Variants in FAM13A observed in about 807,000 individuals in gnomAD.
FAM13A encodes the protein family with sequence similarity 13 member A.
FAM13A carries 76 observed loss-of-function variants against 129.6 expected under a neutral mutation model. The observed-to-expected ratio is 0.59, with a 90% CI of 0.49 to 0.71. The LOEUF is 0.71. Ranked by LOEUF, FAM13A falls within the 30% of genes least tolerant of loss-of-function variation. The pLI is 0.00. For missense variants in FAM13A, 1,108 were observed against 1,249.3 expected (o/e 0.89, Z 1.70); for synonymous variants, 443 against 449.9 (o/e 0.98, Z 0.20).
chr4:88,889,372 T>A (rs1289085852), intron 6 of FAM13A, among the ~76,000 whole-genome samples: 1 of 152,172 alleles, frequency 6.6e-6, no homozygotes, highest in East Asian at 1.9e-4. Context: ...CTAGACCAGA[T>A]GGAGTACTCA....
At chr4:89,013,492 A>G (rs921542058) in intron 3 of FAM13A, among the ~76,000 whole-genome samples, 1 of 144,694 alleles carries the variant, frequency 6.9e-6, no homozygotes, top group Non-Finnish European at 1.5e-5. Context: ...TAGTTGCTCA[A>G]TTACAGTCAT....
At chr4:88,993,385 T>C (rs781204021) in intron 3 of FAM13A, among the ~76,000 whole-genome samples, 16 of 152,308 alleles carry the variant, frequency 1.1e-4, no homozygotes, top group Admixed American at 9.8e-4. Context: ...CTGTTTAAAA[T>C]TGTGGTCTGA....
intron 4 of FAM13A, among the ~76,000 whole-genome samples, chr4:88,951,180 T>C (rs1298039617): frequency 1.3e-5 from 2 of 152,136 alleles, no homozygotes; most frequent in Admixed American, 6.5e-5. Context: ...CTGGGTTTTG[T>C]CCTAGATGAT....
intron 5 of FAM13A, among the ~76,000 whole-genome samples, chr4:88,929,985 T>C (rs1752787884): frequency 6.6e-6 from 1 of 152,168 alleles, no homozygotes; most frequent in Non-Finnish European, 1.5e-5. Flanking sequence ...GTGATCCTCC[T>C]GCTTCAGCCT....
intron 6 of FAM13A, among the ~76,000 whole-genome samples, chr4:88,862,202 CTT>C (rs1374031723): frequency 6.6e-6 from 1 of 152,148 alleles, no homozygotes; most frequent in African/African-American, 2.4e-5. Flanking sequence ...TTAGGAAAAA[CTT>C]ACAGGTGTTA....
chr4:88,947,998 A>G (rs1756235517), intron 4 of FAM13A, among the ~76,000 whole-genome samples: 1 of 152,184 alleles, frequency 6.6e-6, no homozygotes, highest in Non-Finnish European at 1.5e-5. Context: ...ATTAGGGAAA[A>G]AAGTCTAAAA....
chr4:88,792,986 T>C (rs1181917075), intron 8 of FAM13A, among the ~76,000 whole-genome samples: 5 of 152,028 alleles, frequency 3.3e-5, no homozygotes, highest in African/African-American at 1.2e-4. Context: ...TTAATGTGCA[T>C]AGGAATCACC....
intron 4 of FAM13A, among the ~76,000 whole-genome samples, chr4:88,957,856 T>G (rs1757994184): frequency 6.6e-6 from 1 of 152,168 alleles, no homozygotes; most frequent in Non-Finnish European, 1.5e-5. Flanking sequence ...TGCTCATGCT[T>G]TAGGGAATTT....
At chr4:89,050,888 A>G (rs1306006884) in intron 1 of FAM13A, among the ~76,000 whole-genome samples, 3 of 152,134 alleles carry the variant, frequency 2.0e-5, no homozygotes, top group Non-Finnish European at 2.9e-5. Context: ...AGATAATACT[A>G]CTGCTCTCCA....
intron 1 of FAM13A, among the ~76,000 whole-genome samples, chr4:89,043,662 C>T (rs190630807): frequency 5.9e-5 from 9 of 151,946 alleles, no homozygotes; most frequent in East Asian, 5.8e-4. Context: ...AAGAAGCAGA[C>T]GGAAACTATA....
chr4:88,990,687 A>G, intron 4 of FAM13A: 1 of 212,366 alleles, frequency 4.7e-6, no homozygotes. Context: ...TTCTGATTAC[A>G]GATTTTTTAA....
intron 8 of FAM13A, among the ~76,000 whole-genome samples, chr4:88,790,893 C>G (rs1424149075): frequency 6.6e-6 from 1 of 152,112 alleles, no homozygotes; most frequent in Non-Finnish European, 1.5e-5. Context: ...AAAACCATCT[C>G]TTAGCTGTCA....
intron 4 of FAM13A, among the ~76,000 whole-genome samples, chr4:88,973,637 T>A (rs1311524164): frequency 6.6e-6 from 1 of 152,194 alleles, no homozygotes; most frequent in Non-Finnish European, 1.5e-5. Flanking sequence ...CTTATCCAAG[T>A]CTGATTTTGA....
chr4:88,913,568 A>G (rs531785909), intron 5 of FAM13A, among the ~76,000 whole-genome samples: 1 of 152,102 alleles, frequency 6.6e-6, no homozygotes, highest in Non-Finnish European at 1.5e-5. Flanking sequence ...AGGAGGAAGA[A>G]GAAGAAAAAA....
At chr4:89,022,923 G>A (rs1452246401) in intron 2 of FAM13A, among the ~76,000 whole-genome samples, 2 of 152,124 alleles carry the variant, frequency 1.3e-5, no homozygotes, top group Non-Finnish European at 2.9e-5. Flanking sequence ...GAGCTTGGGA[G>A]GGAATTTTTC....
At chr4:88,882,816 G>T (rs539930628) in intron 6 of FAM13A, among the ~76,000 whole-genome samples, 1 of 152,024 alleles carries the variant, frequency 6.6e-6, no homozygotes, top group Non-Finnish European at 1.5e-5. Flanking sequence ...TAAAGGGTTG[G>T]AAAAAGATAT....
At chr4:88,919,329 G>T (rs1750625364) in intron 5 of FAM13A, among the ~76,000 whole-genome samples, 1 of 152,232 alleles carries the variant, frequency 6.6e-6, no homozygotes, top group Non-Finnish European at 1.5e-5. Context: ...GGTAAATTAG[G>T]TAGTTGGAAG....
At chr4:88,833,934 G>A (rs534005108) in intron 7 of FAM13A, among the ~76,000 whole-genome samples, 183 of 151,676 alleles carry the variant, frequency 1.2e-3, no homozygotes, top group African/African-American at 4.2e-3. Flanking sequence ...TTAATTTTAC[G>A]AGACAGAGTC....
intron 1 of FAM13A, among the ~76,000 whole-genome samples, chr4:89,039,663 G>A (rs188584827): frequency 7.2e-5 from 11 of 152,250 alleles, no homozygotes; most frequent in East Asian, 5.8e-4. Flanking sequence ...TTGGGAGGCC[G>A]AGGCAGAAGG....
Sources: allele counts gnomAD v4.1 joint callset (sites outside exome capture counted in the v4.1 genomes callset), GRCh38; gene constraint gnomAD v4.1.1; transcripts MANE v1.5; gene names NCBI Gene and HGNC (gene_info 2026-07-23, HGNC 2026-07-21).